The following BCL2L13 variants were observed in gnomAD, a reference collection of about 807,000 sequenced individuals.
The protein encoded by BCL2L13 is bcl-2-like protein 13.
In BCL2L13, 13 loss-of-function variants were observed where a neutral mutation model predicts 25.8. The observed-to-expected ratio is 0.50, with a 90% confidence interval of 0.33 to 0.80. The LOEUF is 0.80. BCL2L13 is among the 30% of genes least tolerant of loss of function. The probability of loss-of-function intolerance (pLI) is 0.02; values close to 1 mark genes in which losing one functional copy is unlikely to be tolerated. For synonymous variants in BCL2L13, 244 were observed against 230.3 expected (o/e 1.06, Z -0.54); for missense variants, 504 against 574.9 (o/e 0.88, Z 1.26).
chr22:17,694,141 T>C (rs1430965996), intron 4 of BCL2L13, among the ~76,000 whole-genome samples: 1 of 152,110 alleles, frequency 6.6e-6, no homozygotes, highest in East Asian at 1.9e-4. Flanking sequence ...AATTAATAGA[T>C]TTTTTTAATT....
chr22:17,684,944 G>C (rs183298664), intron 3 of BCL2L13, among the ~76,000 whole-genome samples: 1 of 152,232 alleles, frequency 6.6e-6, no homozygotes, highest in East Asian at 1.9e-4. Context: ...GTGTTAGCCA[G>C]GATGGTCTCG....
chr22:17,719,540 C>T (rs1240541098), intron 6 of BCL2L13, among the ~76,000 whole-genome samples: 2 of 152,036 alleles, frequency 1.3e-5, no homozygotes, highest in African/African-American at 2.4e-5. Flanking sequence ...AGTAAAATGT[C>T]GTGCCTACCT....
chr22:17,719,289 A>G (rs189330420), intron 6 of BCL2L13, among the ~76,000 whole-genome samples: 5 of 152,290 alleles, frequency 3.3e-5, no homozygotes, highest in Non-Finnish European at 5.9e-5. Context: ...CAATTAGCAC[A>G]TGAAAAGATG....
chr22:17,656,318 T>G (rs1453008832), intron 2 of BCL2L13, among the ~76,000 whole-genome samples: 2 of 145,466 alleles, frequency 1.4e-5, no homozygotes, highest in Non-Finnish European at 3.0e-5. Context: ...AACAAAAGTA[T>G]TTTTTTTCAT....
chr22:17,670,577 T>C (rs530583512), intron 2 of BCL2L13, among the ~76,000 whole-genome samples: 4 of 152,058 alleles, frequency 2.6e-5, no homozygotes, highest in Non-Finnish European at 5.9e-5. Context: ...TTTCTCCATG[T>C]TGGTCAGGCT....
intron 2 of BCL2L13, among the ~76,000 whole-genome samples, chr22:17,677,766 G>A (rs1404165529): frequency 6.6e-6 from 1 of 152,026 alleles, no homozygotes. Context: ...TAGCTACTCA[G>A]GAGGCTGAGG....
At chr22:17,707,438 G>C (rs1173003319) in intron 6 of BCL2L13, among the ~76,000 whole-genome samples, 11 of 152,078 alleles carry the variant, frequency 7.2e-5, no homozygotes, top group Non-Finnish European at 1.0e-4. Flanking sequence ...ATCCCGGCTA[G>C]TTTTATATTT....
chr22:17,664,908 A>T (rs2059189847), intron 2 of BCL2L13, among the ~76,000 whole-genome samples: 1 of 152,206 alleles, frequency 6.6e-6, no homozygotes, highest in African/African-American at 2.4e-5. Context: ...GGTCCAGGAA[A>T]CTATGTTTCC....
chr22:17,655,605 C>A (rs1479388081), intron 1 of BCL2L13, 57 bp from the exon 2 acceptor site: 2 of 1,377,742 alleles, frequency 1.5e-6, no homozygotes, highest in African/African-American at 2.9e-5. Context: ...TGTGAAACAA[C>A]TGTTAAAGTG....
intron 4 of BCL2L13, chr22:17,692,381 G>T (rs2060130213): frequency 6.6e-6 from 1 of 152,146 alleles, no homozygotes; most frequent in Admixed American, 6.6e-5. Flanking sequence ...CTTTAGCCTG[G>T]TAGACAAACA....
At chr22:17,673,946 T>C (rs2059496667) in intron 2 of BCL2L13, among the ~76,000 whole-genome samples, 1 of 152,206 alleles carries the variant, frequency 6.6e-6, no homozygotes, top group Non-Finnish European at 1.5e-5. Flanking sequence ...GTTTTTATCA[T>C]AGTAGATAGT....
chr22:17,643,175 A>C (rs2058349233), intron 1 of BCL2L13, among the ~76,000 whole-genome samples: 1 of 152,180 alleles, frequency 6.6e-6, no homozygotes, highest in South Asian at 2.1e-4. Flanking sequence ...TTTTAATTGG[A>C]AAGGGGGTAG....
intron 4 of BCL2L13, 23 bp from the exon 5 acceptor site, chr22:17,696,118 G>C: frequency 6.3e-7 from 1 of 1,597,500 alleles, no homozygotes; most frequent in Non-Finnish European, 8.6e-7. Flanking sequence ...TTGTGACACA[G>C]ACTTTTAAAA....
At chr22:17,637,914 A>T (rs1490944419), upstream of BCL2L13, among the ~76,000 whole-genome samples, 1 of 152,150 alleles carries the variant, frequency 6.6e-6, no homozygotes, top group Non-Finnish European at 1.5e-5. Context: ...TATTTCAAAG[A>T]GTCGTGCCAC....
At chr22:17,683,563 G>A (rs964120189) in intron 3 of BCL2L13, among the ~76,000 whole-genome samples, 4 of 152,118 alleles carry the variant, frequency 2.6e-5, no homozygotes, top group Non-Finnish European at 5.9e-5. Flanking sequence ...CTCATGTTAA[G>A]TATCGGATAA....
At chr22:17,643,301 G>T (rs1382971565) in intron 1 of BCL2L13, among the ~76,000 whole-genome samples, 1 of 151,314 alleles carries the variant, frequency 6.6e-6, no homozygotes, top group African/African-American at 2.4e-5. Flanking sequence ...TTTTTGAGAT[G>T]CAGTTTCACT....
At chr22:17,638,988 G>A in intron 1 of BCL2L13, 102 bp downstream of exon 1, 2 of 982,110 alleles carry the variant, frequency 2.0e-6, no homozygotes, top group Non-Finnish European at 2.6e-6. Flanking sequence ...CGACTCCCCA[G>A]TGGTTCCGAC....
At chr22:17,712,319 A>G (rs1467156381) in intron 6 of BCL2L13, among the ~76,000 whole-genome samples, 1 of 152,216 alleles carries the variant, frequency 6.6e-6, no homozygotes, top group Non-Finnish European at 1.5e-5. Flanking sequence ...ATGCCTCATC[A>G]CTTTCCTGTT....
At chr22:17,638,611 G>C, upstream of BCL2L13, 6 of 1,149,870 alleles carry the variant, frequency 5.2e-6, no homozygotes, top group Non-Finnish European at 6.6e-6. Flanking sequence ...GGCTAGGAGG[G>C]TTTGGGTCTT....
Sources: gnomAD v4.1 joint callset for allele counts (sites outside exome capture counted in the v4.1 genomes callset) on GRCh38, gnomAD v4.1.1 for gene constraint, MANE v1.5 for transcripts, NCBI Gene and HGNC (gene_info 2026-07-23, HGNC 2026-07-21) for gene names.